BIK: variants seen among roughly 807,000 people sequenced by gnomAD.
BIK encodes BCL2 interacting killer, also known as bcl-2-interacting killer.
BIK carries 14 observed loss-of-function variants against 12.1 expected under a neutral mutation model. The observed-to-expected ratio is 1.16, with a 90% CI of 0.77 to 1.81. The LOEUF is 1.81. Among genes scored for constraint, BIK ranks in the 40% most tolerant of loss-of-function variants. The probability of loss-of-function intolerance (pLI) is 0.00; values close to 1 mark genes in which losing one functional copy is unlikely to be tolerated. For synonymous variants in BIK, 86 were observed against 92.3 expected (o/e 0.93, Z 0.39); for missense variants, 215 against 207.9 (o/e 1.03, Z -0.21).
intron 4 of BIK, among the ~76,000 whole-genome samples, chr22:43,128,900 C>G (rs759619145): frequency 1.1e-4 from 17 of 152,238 alleles, no homozygotes; most frequent in Non-Finnish European, 2.1e-4. Flanking sequence ...CCCTGAGCAG[C>G]CTTCCTGGTA....
intron 1 of BIK, among the ~76,000 whole-genome samples, chr22:43,116,829 C>T (rs1280765664): frequency 6.6e-6 from 1 of 152,146 alleles, no homozygotes; most frequent in Non-Finnish European, 1.5e-5. Flanking sequence ...GTCCCAGGTA[C>T]TTGGGAAGTT....
chr22:43,111,500 G>T (rs1423291154), intron 1 of BIK, among the ~76,000 whole-genome samples: 5 of 152,198 alleles, frequency 3.3e-5, no homozygotes, highest in Admixed American at 6.5e-5. Flanking sequence ...GCGCCCCTGC[G>T]GGTGACCCGC....
intron 1 of BIK, among the ~76,000 whole-genome samples, chr22:43,120,483 C>T (rs1028352951): frequency 3.3e-5 from 5 of 152,214 alleles, no homozygotes; most frequent in Admixed American, 1.3e-4. Context: ...CCGCACTGCA[C>T]CAGGCCAGGT....
chr22:43,127,078 T>C (rs1601733632), intron 2 of BIK, among the ~76,000 whole-genome samples: 1 of 151,668 alleles, frequency 6.6e-6, no homozygotes, highest in East Asian at 1.9e-4. Context: ...GCTGGGAGGG[T>C]GGGGAGTGTC....
rs111513951 is a variant in BIK at position 43,129,365 on chromosome 22, C to T, written c.*60C>T. On this transcript the variant is annotated 3_prime_UTR_variant, in exon 5 of 5. Coordinates refer to ENST00000216115, the MANE Select transcript of BIK (RefSeq NM_001197.5). ...CCCATGACCACTGCCCTGGAGGTGG[C>T]GGCCTGCTGCTGTTATCTTTTTAAC... 55 of 1,544,550 alleles carry T rather than the reference C, an allele frequency of 3.6e-5. No individual in the cohort carries two copies. Among genetic ancestry groups the T allele is most frequent in the African/African-American group, 2.2e-4 (16 of 72,660 alleles).
chr22:43,119,550 A>AT (rs912634937), intron 1 of BIK, among the ~76,000 whole-genome samples: 66 of 147,188 alleles, frequency 4.5e-4, no homozygotes, highest in Middle Eastern at 3.5e-3. Context: ...CTCCATTCTA[A>AT]TTTTTTTTTT....
At chr22:43,124,591 TCAAG>T (rs1930279678) in intron 2 of BIK, among the ~76,000 whole-genome samples, 1 of 152,178 alleles carries the variant, frequency 6.6e-6, no homozygotes, top group Non-Finnish European at 1.5e-5. Flanking sequence ...TTCTTAGATC[TCAAG>T]CAAGAAAGAA....
intron 1 of BIK, among the ~76,000 whole-genome samples, chr22:43,119,941 C>T (rs1004250838): frequency 6.6e-6 from 1 of 152,128 alleles, no homozygotes; most frequent in Non-Finnish European, 1.5e-5. Flanking sequence ...TGCACTCCAG[C>T]CTGGGCAAAC....
chr22:43,115,355 G>C (rs997180653), intron 1 of BIK, among the ~76,000 whole-genome samples: 20 of 152,194 alleles, frequency 1.3e-4, no homozygotes, highest in Admixed American at 3.9e-4. Flanking sequence ...TCATAGGGGA[G>C]ACCCAAACAC....
At chr22:43,123,822 A>G (rs1453469749) in intron 1 of BIK, among the ~76,000 whole-genome samples, 194 bp from the exon 2 acceptor site, 3 of 152,172 alleles carry the variant, frequency 2.0e-5, no homozygotes, top group African/African-American at 7.2e-5. Context: ...ATGCTAGGCG[A>G]CTTGCCCAGA....
chr22:43,121,324 G>A (rs1930215139), intron 1 of BIK, among the ~76,000 whole-genome samples: 1 of 152,228 alleles, frequency 6.6e-6, no homozygotes, highest in Admixed American at 6.5e-5. Context: ...GAGGTTGGCA[G>A]GGTGGGGAGC....
intron 1 of BIK, among the ~76,000 whole-genome samples, chr22:43,121,737 C>G (rs2147022486): frequency 6.6e-6 from 1 of 152,308 alleles, no homozygotes; most frequent in Middle Eastern, 3.4e-3. Flanking sequence ...AAGTTCTGGA[C>G]ACAGTTCTTC....
At chr22:43,114,190 A>G (rs1930065830) in intron 1 of BIK, among the ~76,000 whole-genome samples, 1 of 152,222 alleles carries the variant, frequency 6.6e-6, no homozygotes, top group African/African-American at 2.4e-5. Context: ...GGGGTGGGAC[A>G]GAACTTGGCA....
chr22:43,121,466 A>C (rs528345721), intron 1 of BIK, among the ~76,000 whole-genome samples: 2 of 152,126 alleles, frequency 1.3e-5, no homozygotes, highest in East Asian at 3.9e-4. Flanking sequence ...GCGCCTAAGG[A>C]TTCTCGGAAT....
intron 1 of BIK, among the ~76,000 whole-genome samples, chr22:43,119,491 G>A (rs1228973106): frequency 6.6e-6 from 1 of 152,026 alleles, no homozygotes. Flanking sequence ...ACTCTGTGCC[G>A]GATCATTTCA....
At chr22:43,118,686 C>A (rs895990597) in intron 1 of BIK, among the ~76,000 whole-genome samples, 2 of 152,098 alleles carry the variant, frequency 1.3e-5, no homozygotes, top group Non-Finnish European at 2.9e-5. Flanking sequence ...GTGACCCCAG[C>A]GTGGCCCCTG....
chr22:43,115,683 G>A (rs575673967), intron 1 of BIK, among the ~76,000 whole-genome samples: 1 of 152,076 alleles, frequency 6.6e-6, no homozygotes, highest in Admixed American at 6.6e-5. Flanking sequence ...GGATGGTTGT[G>A]AACTCCTGAC....
intron 1 of BIK, among the ~76,000 whole-genome samples, chr22:43,112,284 G>C (rs1223717338): frequency 6.6e-6 from 1 of 151,934 alleles, no homozygotes; most frequent in Non-Finnish European, 1.5e-5. Flanking sequence ...CTGCAACCTC[G>C]GCCTCCTGGG....
intron 1 of BIK, among the ~76,000 whole-genome samples, chr22:43,117,026 G>A (rs1189001843): frequency 6.6e-6 from 1 of 152,232 alleles, no homozygotes; most frequent in Admixed American, 6.5e-5. Context: ...TCACTAGCCA[G>A]GTGACCCCTT....
Sources: allele counts gnomAD v4.1 joint callset (sites outside exome capture counted in the v4.1 genomes callset), GRCh38; gene constraint gnomAD v4.1.1; transcripts MANE v1.5; gene names NCBI Gene and HGNC (gene_info 2026-07-23, HGNC 2026-07-21).